Variants in MAP3K5 observed in about 807,000 individuals in gnomAD.
MAP3K5 encodes ASK-1.
In MAP3K5, 56 loss-of-function variants were observed where a neutral mutation model predicts 158.7. The ratio of observed to expected loss-of-function variants is 0.35; its 90% CI spans 0.28 to 0.44. The LOEUF is 0.44. Ranked by LOEUF, MAP3K5 falls within the 20% of genes least tolerant of loss-of-function variation. MAP3K5 has a pLI of 1.00. For synonymous variants in MAP3K5, 579 were observed against 601.7 expected (o/e 0.96, Z 0.55); for missense variants, 1,294 against 1,674.8 (o/e 0.77, Z 3.97).
chr6:136,615,469 C>T (rs1026666696), intron 15 of MAP3K5, among the ~76,000 whole-genome samples: 1 of 152,070 alleles, frequency 6.6e-6, no homozygotes, highest in Non-Finnish European at 1.5e-5. Context: ...TGAAAACTGG[C>T]CTGTTGGAGA....
intron 23 of MAP3K5, among the ~76,000 whole-genome samples, chr6:136,589,540 T>G (rs1029620079): frequency 6.6e-6 from 1 of 152,186 alleles, no homozygotes; most frequent in African/African-American, 2.4e-5. Flanking sequence ...TTCCCAGGTA[T>G]TATGGTTCTG....
intron 11 of MAP3K5, among the ~76,000 whole-genome samples, chr6:136,644,052 C>G (rs751656593): frequency 4.6e-5 from 7 of 152,196 alleles, no homozygotes; most frequent in Non-Finnish European, 8.8e-5. Flanking sequence ...AGAGCTGAGG[C>G]AGTATGCAAA....
intron 3 of MAP3K5, among the ~76,000 whole-genome samples, chr6:136,698,953 G>A (rs1780728761): frequency 6.6e-6 from 1 of 152,128 alleles, no homozygotes. Flanking sequence ...CAAGGCTAGG[G>A]CACTAAGTTA....
At chr6:136,566,164 A>T (rs1774100159) in intron 26 of MAP3K5, among the ~76,000 whole-genome samples, 1 of 152,194 alleles carries the variant, frequency 6.6e-6, no homozygotes, top group African/African-American at 2.4e-5. Context: ...GCACAACGCT[A>T]ACCAAATAGG....
chr6:136,601,958 G>A lies in MAP3K5; in HGVS notation c.2701C>T (p.Pro901Ser). Reference protein sequence around the residue: ...MFKVGMFKVHPEIPESMSAEA... With the variant: ...MFKVGMFKVHSEIPESMSAEA... ...GCAGACATGGACTCTGGGATCTCAGGGTGGACTTTAAACATTCCCACCTAA... is the reference window on the plus strand; with the variant it reads ...GCAGACATGGACTCTGGGATCTCAGAGTGGACTTTAAACATTCCCACCTAA... The change falls in exon 20 of 30, where the codon CCT becomes TCT. Residue 901 changes from proline to serine, a missense_variant. Physicochemically the swap from Pro to Ser is moderately conservative, Grantham distance 74. Coordinates refer to ENST00000359015, the MANE Select transcript of MAP3K5 (RefSeq NM_005923.4). 6.2e-7 allele frequency: 1 copy of A among 1,613,688 alleles called. No individual in the cohort carries two copies. Among genetic ancestry groups the A allele is most frequent in the Non-Finnish European group, 8.5e-7 (1 of 1,179,900 alleles).
chr6:136,713,947 C>T (rs908106102), intron 2 of MAP3K5, among the ~76,000 whole-genome samples: 1 of 152,166 alleles, frequency 6.6e-6, no homozygotes, highest in African/African-American at 2.4e-5. Flanking sequence ...AAAACATTTA[C>T]TGAGTGTGTA....
rs116231969 is a variant in MAP3K5, at chr6:136,716,810, T to C, written c.588+3640A>G. Among the ~76,000 whole-genome samples the C allele has an allele frequency of 7.3e-3, 1,111 of 152,332 alleles. 14 individuals carry two copies. The highest frequency in any genetic ancestry group is 0.026 in the African/African-American group (1,074 of 41,574). ...TTAGTAGGCACGAGAGAAATTCTCA[T>C]GAGACTTAAAGAAAATTGTAAAAAA... On this transcript the variant is annotated intron_variant, in intron 2 of 29. Coordinates refer to ENST00000359015, the MANE Select transcript of MAP3K5 (RefSeq NM_005923.4).
At chr6:136,610,715 GT>G (rs1776298487) in intron 18 of MAP3K5, among the ~76,000 whole-genome samples, 2 of 150,678 alleles carry the variant, frequency 1.3e-5, no homozygotes, top group Non-Finnish European at 3.0e-5. Flanking sequence ...AAAATCTTCA[GT>G]GGCATTAAGC....
rs569652997 is a variant in MAP3K5 at position 136,677,238 on chromosome 6, T to C, written c.1254-7843A>G. 6.5e-5 allele frequency among the ~76,000 whole-genome samples: 9 copies of C among 139,180 alleles called. No individual in the cohort carries two copies. The East Asian group carries it at 2.0e-3, about 31-fold the overall frequency. The allele number at this position is 139,180 out of a possible 152,430, so 91.3% of individuals were successfully genotyped here. On this transcript the variant is annotated intron_variant, in intron 7 of 29. Coordinates refer to ENST00000359015, the MANE Select transcript of MAP3K5 (RefSeq NM_005923.4). ...CTGCAAGCTCTGCCTCCCAGGTTCA[T>C]GCCATTCTCCTGCCTCAGCCTCCCA...
chr6:136,764,910 C>T (rs1448522919), intron 1 of MAP3K5, among the ~76,000 whole-genome samples: 1 of 152,196 alleles, frequency 6.6e-6, no homozygotes, highest in African/African-American at 2.4e-5. Flanking sequence ...GAAGCTGGGA[C>T]AAGTGACTCT....
At chr6:136,614,331 T>C (rs1583275938) in intron 15 of MAP3K5, 45 bp from the exon 16 acceptor site, 1 of 1,593,004 alleles carries the variant, frequency 6.3e-7, no homozygotes, top group Non-Finnish European at 8.6e-7. Flanking sequence ...GTAGCCAGAC[T>C]TTACTGTATA....
intron 7 of MAP3K5, among the ~76,000 whole-genome samples, chr6:136,677,815 T>C (rs1468430758): frequency 6.6e-6 from 1 of 152,230 alleles, no homozygotes; most frequent in Non-Finnish European, 1.5e-5. Flanking sequence ...GATGACGGTC[T>C]CTATCAAAGA....
intron 2 of MAP3K5, among the ~76,000 whole-genome samples, chr6:136,714,950 A>G (rs1428294283): frequency 6.6e-6 from 1 of 152,226 alleles, no homozygotes; most frequent in Non-Finnish European, 1.5e-5. Context: ...ATACAGTGAG[A>G]TAGTGAAGGA....
chr6:136,727,948 C>T (rs1299157369), intron 1 of MAP3K5, among the ~76,000 whole-genome samples: 1 of 146,384 alleles, frequency 6.8e-6, no homozygotes, highest in Non-Finnish European at 1.5e-5. Context: ...GGCGACAGAG[C>T]GAGACTCCGC....
At chr6:136,764,622 G>A (rs1312048016) in intron 1 of MAP3K5, among the ~76,000 whole-genome samples, 1 of 152,166 alleles carries the variant, frequency 6.6e-6, no homozygotes, top group East Asian at 1.9e-4. Context: ...GATAATAACA[G>A]GTTGTTGTTT....
chr6:136,777,204 T>G (rs1311926512), intron 1 of MAP3K5, among the ~76,000 whole-genome samples: 1 of 152,244 alleles, frequency 6.6e-6, no homozygotes, highest in African/African-American at 2.4e-5. Flanking sequence ...GCCCCAACCC[T>G]GCTTTGCAAT....
chr6:136,673,063 C>G (rs1779554165), intron 7 of MAP3K5, among the ~76,000 whole-genome samples: 2 of 148,572 alleles, frequency 1.3e-5, no homozygotes, highest in Admixed American at 1.3e-4. Context: ...GAGCTAAACA[C>G]AAAACTCTCA....
intron 1 of MAP3K5, among the ~76,000 whole-genome samples, chr6:136,735,373 A>C (rs1310632100): frequency 6.6e-6 from 1 of 152,178 alleles, no homozygotes; most frequent in Non-Finnish European, 1.5e-5. Context: ...TAATGTGTGG[A>C]CCTTGGTTGG....
intron 1 of MAP3K5, among the ~76,000 whole-genome samples, chr6:136,725,789 T>C (rs1323059857): frequency 6.6e-6 from 1 of 152,240 alleles, no homozygotes; most frequent in Non-Finnish European, 1.5e-5. Flanking sequence ...TCACAAAAGT[T>C]TTCTTTTATG....
Sources: allele counts gnomAD v4.1 joint callset (sites outside exome capture counted in the v4.1 genomes callset), GRCh38; gene constraint gnomAD v4.1.1; transcripts MANE v1.5; gene names NCBI Gene and HGNC (gene_info 2026-07-23, HGNC 2026-07-21).